The following MYT1L variants were observed in gnomAD, a reference collection of about 807,000 sequenced individuals.
The protein encoded by MYT1L is myelin transcription factor 1-like protein.
Under a neutral mutation model 126.7 loss-of-function variants are expected in MYT1L, and 12 were observed. The ratio of observed to expected loss-of-function variants is 0.09; its 90% CI spans 0.06 to 0.15. The LOEUF (loss-of-function observed/expected upper bound fraction) is 0.15. MYT1L is among the 10% of genes least tolerant of loss of function. The probability of loss-of-function intolerance (pLI) is 1.00; values close to 1 mark genes in which losing one functional copy is unlikely to be tolerated. For synonymous variants in MYT1L, 541 were observed against 604.2 expected (o/e 0.90, Z 1.53); for missense variants, 979 against 1,585.2 (o/e 0.62, Z 6.49).
intron 18 of MYT1L, among the ~76,000 whole-genome samples, chr2:1,885,646 C>T (rs1172902049): frequency 3.9e-5 from 6 of 152,166 alleles, no homozygotes; most frequent in Admixed American, 2.0e-4. Flanking sequence ...GCCTGGATAA[C>T]GCTTTTTCCA....
chr2:2,159,077 T>A (rs1380715121), intron 3 of MYT1L, among the ~76,000 whole-genome samples: 2 of 152,102 alleles, frequency 1.3e-5, no homozygotes, highest in Non-Finnish European at 2.9e-5. Context: ...ACATCTCACT[T>A]CCACAATCCG....
chr2:1,803,955 C>T (rs545282352), intron 22 of MYT1L, among the ~76,000 whole-genome samples: 6 of 152,292 alleles, frequency 3.9e-5, no homozygotes, highest in South Asian at 2.1e-4. Context: ...TGCGCCTCGG[C>T]GTGAAGCCCC....
At chr2:1,884,987 C>T (rs1200715915) in intron 18 of MYT1L, among the ~76,000 whole-genome samples, 5 of 152,200 alleles carry the variant, frequency 3.3e-5, no homozygotes, top group African/African-American at 9.6e-5. Context: ...CCAAGCCCAA[C>T]GTGAAGGGAT....
chr2:2,087,723 T>A (rs2076492770), intron 3 of MYT1L, among the ~76,000 whole-genome samples: 1 of 152,232 alleles, frequency 6.6e-6, no homozygotes, highest in African/African-American at 2.4e-5. Flanking sequence ...ACACGACTCA[T>A]TGACAAGGGA....
chr2:1,858,928 G>A (rs570563136), intron 18 of MYT1L, among the ~76,000 whole-genome samples: 257 of 152,272 alleles, frequency 1.7e-3, no homozygotes, highest in African/African-American at 5.9e-3. Context: ...TGCCCTCTCC[G>A]AATTCCCTTT....
At chr2:2,078,573 T>C (rs2075466255) in intron 3 of MYT1L, among the ~76,000 whole-genome samples, 1 of 152,132 alleles carries the variant, frequency 6.6e-6, no homozygotes, top group Non-Finnish European at 1.5e-5. Context: ...GAAGACAATG[T>C]TTCAAAATTA....
chr2:2,202,607 C>A (rs905880433), intron 2 of MYT1L, among the ~76,000 whole-genome samples: 1 of 152,136 alleles, frequency 6.6e-6, no homozygotes, highest in Non-Finnish European at 1.5e-5. Flanking sequence ...CAATAACAGG[C>A]TCTGAAATTG....
At chr2:2,099,974 C>T (rs775966177) in intron 3 of MYT1L, among the ~76,000 whole-genome samples, 5 of 152,146 alleles carry the variant, frequency 3.3e-5, no homozygotes, top group South Asian at 2.1e-4. Flanking sequence ...TGGGAATGGG[C>T]GCCATAGGCC....
intron 3 of MYT1L, among the ~76,000 whole-genome samples, chr2:2,103,447 A>T (rs776263998): frequency 1.3e-5 from 2 of 152,210 alleles, no homozygotes; most frequent in Non-Finnish European, 2.9e-5. Context: ...CCCAGATGCC[A>T]GCCAGTTAGT....
At chr2:1,953,976 C>T (rs1480640393) in intron 8 of MYT1L, among the ~76,000 whole-genome samples, 1 of 152,144 alleles carries the variant, frequency 6.6e-6, no homozygotes, top group South Asian at 2.1e-4. Flanking sequence ...AGTGAAAAAC[C>T]TGAGAAGGTT....
intron 18 of MYT1L, among the ~76,000 whole-genome samples, chr2:1,866,105 G>A (rs1388399293): frequency 6.6e-6 from 1 of 152,186 alleles, no homozygotes; most frequent in Admixed American, 6.5e-5. Context: ...GGAGCAGCTC[G>A]AAGCATCCAG....
At chr2:2,292,077 C>G (rs552824088) in intron 1 of MYT1L, among the ~76,000 whole-genome samples, 1 of 152,158 alleles carries the variant, frequency 6.6e-6, no homozygotes. Flanking sequence ...CTCTGCTTCC[C>G]TCTGTTGGTG....
Position 1,979,143 on chromosome 2 carries a change from GAA to G in MYT1L, c.152+20_152+21del, listed in dbSNP as rs3214602. 4 of 1,583,930 alleles carry G rather than the reference GAA, an allele frequency of 2.5e-6. No individual in the cohort carries two copies. The African/African-American group carries it at 4.0e-5, about 16-fold the overall frequency. On this transcript the variant is annotated intron_variant, in intron 8 of 24. Coordinates refer to ENST00000647738, the MANE Select transcript of MYT1L (RefSeq NM_001303052.2). This position sits in a 1 kb window ranked among gnomAD's most constrained non-coding sequence, Gnocchi z 4.0. ...AAGTCACTTTAGACAGCACATTGTG[GAA>G]AAAAAAATGCAGGCATTACCTTCTG...
At chr2:1,989,006 T>C (rs2061266085) in intron 5 of MYT1L, among the ~76,000 whole-genome samples, 1 of 152,192 alleles carries the variant, frequency 6.6e-6, no homozygotes, top group Non-Finnish European at 1.5e-5. Context: ...GTTGATTACC[T>C]TCTCATAATA....
intron 2 of MYT1L, among the ~76,000 whole-genome samples, chr2:2,249,990 A>C (rs780768420): frequency 4.6e-5 from 7 of 152,200 alleles, no homozygotes; most frequent in Non-Finnish European, 5.9e-5. Flanking sequence ...CACCCCAGTT[A>C]CAACGGCTTC....
intron 1 of MYT1L, among the ~76,000 whole-genome samples, chr2:2,311,947 G>A (rs1559638636): frequency 6.6e-6 from 1 of 152,206 alleles, no homozygotes; most frequent in Non-Finnish European, 1.5e-5. Flanking sequence ...CTCACAGAGT[G>A]CAAATGAATC....
intron 2 of MYT1L, among the ~76,000 whole-genome samples, chr2:2,199,455 C>T (rs549752815): frequency 2.0e-5 from 3 of 152,242 alleles, no homozygotes; most frequent in South Asian, 4.1e-4. Flanking sequence ...CGGGGTATAG[C>T]GTGATCCCCC....
At chr2:2,169,002 C>A (rs2089603475) in intron 3 of MYT1L, among the ~76,000 whole-genome samples, 1 of 152,158 alleles carries the variant, frequency 6.6e-6, no homozygotes, top group Admixed American at 6.5e-5. Flanking sequence ...TTCTGTGTTT[C>A]AAGGACTAAA....
rs977773802 is a variant in MYT1L at position 2,228,958 on chromosome 2, G to A, written c.-421+55446C>T. The stretch of plus-strand genomic sequence containing the variant: ...TAGAGAAGGATATGAAGTGAAACAC[G>A]GGGGTCTTCCAACGTATCCAGCTGA... On this transcript the variant is annotated intron_variant, in intron 2 of 24. Coordinates refer to ENST00000647738, the MANE Select transcript of MYT1L (RefSeq NM_001303052.2). The surrounding 1 kb of genome is among the most constrained non-coding windows in gnomAD (Gnocchi z 5.9). Among the ~76,000 whole-genome samples, 15 of 152,046 alleles carry A rather than the reference G, an allele frequency of 9.9e-5. No homozygotes were observed. The highest frequency in any genetic ancestry group is 1.5e-4 in the Non-Finnish European group (10 of 68,004).
Sources: allele counts gnomAD v4.1 joint callset (sites outside exome capture counted in the v4.1 genomes callset), GRCh38; gene constraint gnomAD v4.1.1; non-coding constraint Gnocchi (gnomAD v3.1); transcripts MANE v1.5; gene names NCBI Gene and HGNC (gene_info 2026-07-23, HGNC 2026-07-21).